MGAT4C: variants seen among roughly 807,000 people sequenced by gnomAD.
MGAT4C encodes the protein alpha-1,3-mannosyl-glycoprotein 4-beta-N-acetylglucosaminyltransferase C.
A neutral mutation model predicts 40.1 loss-of-function variants in MGAT4C; 19 were observed. That is an observed-to-expected ratio of 0.47 (90% CI 0.33 to 0.70). The LOEUF is 0.70. Ranked by LOEUF, MGAT4C falls within the 30% of genes least tolerant of loss-of-function variation. The pLI, the probability that MGAT4C is intolerant of heterozygous loss-of-function variation, is 0.02. For missense variants in MGAT4C, 491 were observed against 563.2 expected (o/e 0.87, Z 1.30); for synonymous variants, 181 against 187.1 (o/e 0.97, Z 0.27).
intron 2 of MGAT4C, among the ~76,000 whole-genome samples, chr12:86,461,236 CTTT>C (rs1182920834): frequency 2.3e-5 from 3 of 132,668 alleles, no homozygotes; most frequent in Non-Finnish European, 3.3e-5. Context: ...TACACATCTT[CTTT>C]TTTTTTTTTT....
At chr12:86,627,193 T>G (rs1427368306) in intron 2 of MGAT4C, among the ~76,000 whole-genome samples, 1 of 152,052 alleles carries the variant, frequency 6.6e-6, no homozygotes, top group Non-Finnish European at 1.5e-5. Context: ...TGCTGAGGCT[T>G]GAGTAGGCAA....
intron 2 of MGAT4C, among the ~76,000 whole-genome samples, chr12:86,452,464 C>A (rs996458838): frequency 1.3e-5 from 2 of 151,360 alleles, no homozygotes; most frequent in Non-Finnish European, 2.9e-5. Flanking sequence ...TGTGTGACTG[C>A]CAGGTTCTCT....
intron 4 of MGAT4C, among the ~76,000 whole-genome samples, chr12:86,302,510 C>A (rs1230714939): frequency 6.6e-6 from 1 of 150,390 alleles, no homozygotes; most frequent in African/African-American, 2.5e-5. Flanking sequence ...CGCACTGCAA[C>A]CTCTGCCTCC....
intron 2 of MGAT4C, among the ~76,000 whole-genome samples, chr12:86,656,038 A>G (rs914892788): frequency 2.4e-4 from 36 of 152,090 alleles, no homozygotes; most frequent in African/African-American, 8.7e-4. Context: ...TGACTATCAA[A>G]TTAATTAATT....
At chr12:86,390,465 A>G (rs1347270946) in intron 3 of MGAT4C, among the ~76,000 whole-genome samples, 1 of 152,190 alleles carries the variant, frequency 6.6e-6, no homozygotes, top group Non-Finnish European at 1.5e-5. Flanking sequence ...AATAAGTCAT[A>G]GCAGAAATAC....
At chr12:86,100,334 T>G (rs1874742686) in intron 1 of MGAT4C, among the ~76,000 whole-genome samples, 2 of 151,518 alleles carry the variant, frequency 1.3e-5, no homozygotes, top group East Asian at 3.9e-4. Flanking sequence ...GTAACTTATT[T>G]TATTTGGATA....
intron 2 of MGAT4C, among the ~76,000 whole-genome samples, chr12:86,641,929 T>G (rs985023482): frequency 6.6e-6 from 1 of 151,888 alleles, no homozygotes; most frequent in Non-Finnish European, 1.5e-5. Context: ...ATATTACCTG[T>G]TTTTCCTAAG....
At chr12:86,654,535 G>A (rs557532226) in intron 2 of MGAT4C, among the ~76,000 whole-genome samples, 51 of 151,862 alleles carry the variant, frequency 3.4e-4, no homozygotes, top group Non-Finnish European at 5.7e-4. Context: ...GTGGATTTTC[G>A]GGACAATATC....
At chr12:86,145,863 A>G (rs927601704) in intron 1 of MGAT4C, among the ~76,000 whole-genome samples, 1 of 152,162 alleles carries the variant, frequency 6.6e-6, no homozygotes, top group South Asian at 2.1e-4. Context: ...ATCTTTTCCA[A>G]TATTAGACCC....
chr12:86,603,549 A>ACTG (rs1240444985), intron 2 of MGAT4C, among the ~76,000 whole-genome samples: 1 of 4,328 alleles, frequency 2.3e-4, no homozygotes, highest in African/African-American at 3.0e-4. Flanking sequence ...TAGACTATAG[A>ACTG]TAATATATAG....
At chr12:86,761,674 C>A (rs1951408700) in intron 1 of MGAT4C, among the ~76,000 whole-genome samples, 1 of 152,088 alleles carries the variant, frequency 6.6e-6, no homozygotes, top group Non-Finnish European at 1.5e-5. Context: ...ATTTTCTTGA[C>A]TTTTTAGTGG....
In MGAT4C at chr12:86,715,638, G is replaced by A. The variant is rs1950633624; in HGVS notation, c.-229+11571C>T. ...CAAAGCTGACAGATTTCTACACTTAGGCTCTTAAGCATTATTCTTGTGCTC... is the reference window on the plus strand; with the variant it reads ...CAAAGCTGACAGATTTCTACACTTAAGCTCTTAAGCATTATTCTTGTGCTC... On this transcript the variant is annotated intron_variant, in intron 2 of 7. Transcript: ENST00000548651. Among the ~76,000 whole-genome samples the A allele has an allele frequency of 2.0e-5, 3 of 152,024 alleles. No individual in the cohort carries two copies. In the South Asian group the frequency reaches 6.2e-4, roughly 31 times the overall value.
chr12:86,313,320 A>C (rs956343753), intron 4 of MGAT4C, among the ~76,000 whole-genome samples: 1 of 152,060 alleles, frequency 6.6e-6, no homozygotes, highest in Non-Finnish European at 1.5e-5. Flanking sequence ...CTCACAATGC[A>C]GGTAAGAGAT....
Position 85,971,200 on chromosome 12 carries a change from T to C in MGAT4C, c.*8089A>G, listed in dbSNP as rs758753710. ...TAATTAAACAAATTTCACTTTCTTCTTATAAAAGAAAATAATTTTTATGGT... is the reference window on the plus strand; with the variant it reads ...TAATTAAACAAATTTCACTTTCTTCCTATAAAAGAAAATAATTTTTATGGT... On this transcript the variant is annotated 3_prime_UTR_variant, in exon 5 of 5. Transcript: ENST00000611864. 2 of 151,294 alleles carry C rather than the reference T, an allele frequency of 1.3e-5. No individual in the cohort carries two copies. The highest frequency in any genetic ancestry group is 3.0e-5 in the Non-Finnish European group (2 of 67,406). 9.4% of individuals were successfully genotyped at this position (151,294 alleles called of 1,614,324 possible).
intron 2 of MGAT4C, among the ~76,000 whole-genome samples, chr12:86,485,967 C>A (rs1016875621): frequency 6.6e-6 from 1 of 151,992 alleles, no homozygotes; most frequent in African/African-American, 2.4e-5. Flanking sequence ...ATTTTATATC[C>A]CACCAAACTA....
intron 1 of MGAT4C, among the ~76,000 whole-genome samples, chr12:86,168,064 A>G (rs1352852472): frequency 6.6e-6 from 1 of 152,196 alleles, no homozygotes; most frequent in Non-Finnish European, 1.5e-5. Flanking sequence ...AATTGGATTT[A>G]AATATTCAAA....
chr12:86,381,500 C>T (rs1565719520), intron 3 of MGAT4C, among the ~76,000 whole-genome samples: 3 of 152,166 alleles, frequency 2.0e-5, no homozygotes, highest in Admixed American at 1.3e-4. Context: ...TATCTCAACT[C>T]TCAGAAACAG....
chr12:86,690,911 AC>A (rs1240839699), intron 2 of MGAT4C, among the ~76,000 whole-genome samples: 1 of 152,068 alleles, frequency 6.6e-6, no homozygotes, highest in East Asian at 1.9e-4. Context: ...CATATTTTTA[AC>A]CTGTTTGCAT....
At chr12:86,256,012 G>C (rs753126537) in intron 1 of MGAT4C, among the ~76,000 whole-genome samples, 1 of 152,034 alleles carries the variant, frequency 6.6e-6, no homozygotes. Context: ...AAGCGAAGCC[G>C]GATTTACCTG....
Sources: gnomAD v4.1 joint callset for allele counts (sites outside exome capture counted in the v4.1 genomes callset) on GRCh38, gnomAD v4.1.1 for gene constraint, MANE v1.5 for transcripts, NCBI Gene and HGNC (gene_info 2026-07-23, HGNC 2026-07-21) for gene names.